Variants in PHACTR1 observed in about 807,000 individuals in gnomAD.
PHACTR1 encodes the protein phosphatase and actin regulator 1, also known as RPEL repeat containing 1.
Under a neutral mutation model 69.2 loss-of-function variants are expected in PHACTR1, and 16 were observed. That is an observed-to-expected ratio of 0.23 (90% confidence interval 0.16 to 0.35). PHACTR1 has a LOEUF of 0.35. PHACTR1 is among the 10% of genes least tolerant of loss of function. The probability of loss-of-function intolerance (pLI) is 1.00; values close to 1 mark genes in which losing one functional copy is unlikely to be tolerated. For missense variants in PHACTR1, 510 were observed against 734.7 expected, an observed-to-expected ratio of 0.69 and a Z score of 3.54; for synonymous variants, 312 against 284.5, an observed-to-expected ratio of 1.10 and a Z score of -0.97.
chr6:12,943,403 G>C (rs999326005), intron 4 of PHACTR1, among the ~76,000 whole-genome samples: 3 of 152,174 alleles, frequency 2.0e-5, no homozygotes, highest in Non-Finnish European at 4.4e-5. Flanking sequence ...GTTTCCTTTT[G>C]GGTTGATGAA....
intron 5 of PHACTR1, among the ~76,000 whole-genome samples, chr6:13,102,863 A>C (rs1815401417): frequency 6.6e-6 from 1 of 152,200 alleles, no homozygotes; most frequent in South Asian, 2.1e-4. Flanking sequence ...CTTTAAAAAT[A>C]ATCTCTAACG....
intron 4 of PHACTR1, among the ~76,000 whole-genome samples, chr6:12,930,305 G>A (rs894948576): frequency 2.6e-5 from 4 of 152,224 alleles, no homozygotes; most frequent in South Asian, 2.1e-4. Flanking sequence ...TTGGCCTCCC[G>A]AAATGCTGAG....
intron 8 of PHACTR1, among the ~76,000 whole-genome samples, chr6:13,210,580 G>A (rs569439083): frequency 3.3e-5 from 5 of 152,278 alleles, no homozygotes; most frequent in African/African-American, 7.2e-5. Flanking sequence ...GACACACCAC[G>A]TATTAGCTGT....
At chr6:12,778,741 T>A (rs926221431) in intron 4 of PHACTR1, among the ~76,000 whole-genome samples, 1 of 152,244 alleles carries the variant, frequency 6.6e-6, no homozygotes, top group African/African-American at 2.4e-5. Context: ...TATGAACCTG[T>A]ACTATATGAA....
chr6:13,156,517 T>G (rs1273963978), intron 5 of PHACTR1, among the ~76,000 whole-genome samples: 1 of 152,244 alleles, frequency 6.6e-6, no homozygotes, highest in Non-Finnish European at 1.5e-5. Context: ...GTATTCTCCC[T>G]GTGTCATAAG....
chr6:13,067,525 T>C (rs967518692), intron 5 of PHACTR1, among the ~76,000 whole-genome samples: 3 of 152,192 alleles, frequency 2.0e-5, no homozygotes, highest in South Asian at 2.1e-4. Flanking sequence ...CGAGTCTTTA[T>C]TGAAAGTCTT....
At chr6:12,956,635 G>A (rs373110550) in intron 4 of PHACTR1, among the ~76,000 whole-genome samples, 136 of 152,292 alleles carry the variant, frequency 8.9e-4, no homozygotes, top group African/African-American at 3.1e-3. Context: ...GGTGGCTGGA[G>A]AGGGTTTATG....
At chr6:12,992,950 G>C (rs560169879) in intron 4 of PHACTR1, among the ~76,000 whole-genome samples, 1 of 152,170 alleles carries the variant, frequency 6.6e-6, no homozygotes, top group Non-Finnish European at 1.5e-5. Context: ...ATGCAAATGG[G>C]TTCTTTACCT....
At chr6:13,191,000 C>T (rs1322972246) in intron 7 of PHACTR1, among the ~76,000 whole-genome samples, 1 of 152,082 alleles carries the variant, frequency 6.6e-6, no homozygotes, top group East Asian at 1.9e-4. Flanking sequence ...GTTTTGTGGA[C>T]TTTTTCACTG....
chr6:13,120,557 C>G (rs1818551860), intron 5 of PHACTR1, among the ~76,000 whole-genome samples: 1 of 152,134 alleles, frequency 6.6e-6, no homozygotes, highest in Non-Finnish European at 1.5e-5. Flanking sequence ...TTAGAGGAGG[C>G]CGAAGGTGGG....
chr6:12,960,466 T>C (rs1792566291), intron 4 of PHACTR1, among the ~76,000 whole-genome samples: 1 of 152,210 alleles, frequency 6.6e-6, no homozygotes, highest in Admixed American at 6.5e-5. Flanking sequence ...CACGAGTGTC[T>C]GCGTGTTTTG....
At chr6:13,264,687 C>G (rs908790990) in intron 10 of PHACTR1, among the ~76,000 whole-genome samples, 1 of 152,058 alleles carries the variant, frequency 6.6e-6, no homozygotes, top group Non-Finnish European at 1.5e-5. Context: ...CCACTGCACT[C>G]CAGCCTGGGC....
At chr6:13,112,026 C>A (rs1381953223) in intron 5 of PHACTR1, among the ~76,000 whole-genome samples, 1 of 152,278 alleles carries the variant, frequency 6.6e-6, no homozygotes, top group Non-Finnish European at 1.5e-5. Flanking sequence ...TCTCCGCCTT[C>A]CCATCCTTCA....
chr6:13,114,144 G>A (rs1817461065), intron 5 of PHACTR1, among the ~76,000 whole-genome samples: 1 of 152,158 alleles, frequency 6.6e-6, no homozygotes, highest in South Asian at 2.1e-4. Flanking sequence ...CCCAGAAGCA[G>A]ACTCGCTCTG....
At chr6:13,262,052 A>G (rs1459983037) in intron 10 of PHACTR1, among the ~76,000 whole-genome samples, 3 of 152,216 alleles carry the variant, frequency 2.0e-5, no homozygotes, top group African/African-American at 4.8e-5. Context: ...GAGTGGTGTG[A>G]TCAGATCGGT....
At position 12,960,273 on chromosome 6, in the gene PHACTR1, G is replaced by A. The variant is rs185425888; in HGVS notation, c.251-93092G>A. Among the ~76,000 whole-genome samples the A allele has an allele frequency of 2.8e-4, 42 of 152,312 alleles. No homozygotes were observed. In the South Asian group the frequency reaches 7.0e-3, roughly 26 times the overall value. On this transcript the variant is annotated intron_variant, in intron 4 of 14. Coordinates refer to ENST00000332995, the MANE Select transcript of PHACTR1 (RefSeq NM_030948.6). Reference sequence around the variant, plus strand: ...ACACTTAGTGCCTGAAAAAGTACTTGCTATTATTGTTGTTATCATTTATGG... The same window carrying A: ...ACACTTAGTGCCTGAAAAAGTACTTACTATTATTGTTGTTATCATTTATGG...
rs533826468 is a variant in PHACTR1, at chr6:12,944,704, T to C, written c.251-108661T>C. ...GGTAACGTAGAGAAGACAGAGAAAG[T>C]TCCCGTGAATGGGGATGAAAGGAGC... On this transcript the variant is annotated intron_variant, in intron 4 of 14. Coordinates refer to ENST00000332995, the MANE Select transcript of PHACTR1 (RefSeq NM_030948.6). Among the ~76,000 whole-genome samples the C allele has an allele frequency of 1.1e-4, 17 of 152,268 alleles. No individual in the cohort carries two copies. The East Asian group carries it at 3.1e-3, about 28-fold the overall frequency.
chr6:13,175,580 T>C (rs1761210230), intron 6 of PHACTR1, among the ~76,000 whole-genome samples: 2 of 152,182 alleles, frequency 1.3e-5, no homozygotes. Context: ...TAACTGAGGT[T>C]AGCAGGTCCC....
intron 6 of PHACTR1, among the ~76,000 whole-genome samples, chr6:13,178,545 G>A (rs1036989371): frequency 2.0e-5 from 3 of 152,250 alleles, no homozygotes; most frequent in African/African-American, 7.2e-5. Flanking sequence ...CTCTGGGGGT[G>A]AAGCCCAGCA....
Sources: gnomAD v4.1 joint callset for allele counts (sites outside exome capture counted in the v4.1 genomes callset) on GRCh38, gnomAD v4.1.1 for gene constraint, MANE v1.5 for transcripts, NCBI Gene and HGNC (gene_info 2026-07-23, HGNC 2026-07-21) for gene names.